TATDN2: variants seen among roughly 807,000 people sequenced by gnomAD.
TATDN2 encodes the protein 3'-5' RNA nuclease TATDN2.
A neutral mutation model predicts 60.3 loss-of-function variants in TATDN2; 44 were observed. The ratio of observed to expected loss-of-function variants is 0.73; its 90% CI spans 0.57 to 0.94. The LOEUF (loss-of-function observed/expected upper bound fraction) is 0.94. Ranked by LOEUF, TATDN2 falls within the 40% of genes least tolerant of loss-of-function variation. The pLI is 0.00. For synonymous variants in TATDN2, 399 were observed against 355.8 expected, an observed-to-expected ratio of 1.12 and a Z score of -1.37; for missense variants, 997 against 948.0, an observed-to-expected ratio of 1.05 and a Z score of -0.68.
rs376603083 is a variant in TATDN2, at chr3:10,270,054, G to A, written c.949-77G>A. 10 of 1,530,290 alleles carry A rather than the reference G, an allele frequency of 6.5e-6. No individual in the cohort carries two copies. The African/African-American group carries it at 8.3e-5, about 13-fold the overall frequency. 94.8% of individuals were successfully genotyped at this position (1,530,290 alleles called of 1,614,324 possible). A position where few individuals can be genotyped will look rare whatever the true frequency, so the allele number is the denominator to read the frequency against. ...GCCAGAAGAACAAGCCAGGGTTTAT[G>A]TTCAGCTGATGACAGCCTGGGAGGC... On this transcript the variant is annotated intron_variant, in intron 3 of 7. Coordinates refer to ENST00000448281, the MANE Select transcript of TATDN2 (RefSeq NM_014760.4).
intron 2 of TATDN2, among the ~76,000 whole-genome samples, chr3:10,254,983 CCCTTCCCCCTTCCT>C (rs1698284305): frequency 7.1e-6 from 1 of 141,792 alleles, no homozygotes. Flanking sequence ...CTTTTTTTCC[CCCTTCCCCCTTCCT>C]CCTTCCCACT....
rs3072531 is a variant in TATDN2, at chr3:10,257,294, T to TTATATATATATATATATATATA, written c.415-2824_415-2823insATATATATATATATATATATAT. On this transcript the variant is annotated intron_variant, in intron 2 of 7. Transcript: ENST00000448281. Reference sequence around the variant, plus strand: ...AGTGAGATTTTGCCTCAAAAAAAAATTATATATATATATATATATGAATTC... The same window carrying TTATATATATATATATATATATA: ...AGTGAGATTTTGCCTCAAAAAAAAATTATATATATATATATATATATATATATATATATATATATATGAATTC... 9.1e-3 allele frequency among the ~76,000 whole-genome samples: 1,210 copies of TTATATATATATATATATATATA among 133,052 alleles called. 13 individuals are homozygous for TTATATATATATATATATATATA. Among genetic ancestry groups the TTATATATATATATATATATATA allele is most frequent in the South Asian group, 0.019 (74 of 3,936 alleles). The allele number at this position is 133,052 out of a possible 152,430, so 87.3% of individuals were successfully genotyped here.
chr3:10,269,545 C>T (rs1318330180), intron 3 of TATDN2, among the ~76,000 whole-genome samples: 3 of 152,022 alleles, frequency 2.0e-5, no homozygotes, highest in African/African-American at 4.8e-5. Context: ...CCCCTACCTA[C>T]AAGAAATTAG....
At chr3:10,275,469 C>G (rs977659367) in intron 4 of TATDN2, among the ~76,000 whole-genome samples, 1 of 152,138 alleles carries the variant, frequency 6.6e-6, no homozygotes, top group East Asian at 1.9e-4. Flanking sequence ...GCAAATTGGC[C>G]GGGCATGGCG....
chr3:10,268,527 G>C (rs1005936193), intron 3 of TATDN2, among the ~76,000 whole-genome samples: 9 of 152,178 alleles, frequency 5.9e-5, no homozygotes, highest in Non-Finnish European at 1.2e-4. Context: ...CTTAAATTTT[G>C]TTTCCAGCAT....
Position 10,249,185 on chromosome 3 carries a change from T to C in TATDN2, c.-6-10T>C, listed in dbSNP as rs1186248526. On this transcript the variant is annotated splice_polypyrimidine_tract_variant and intron_variant, in intron 1 of 7. Transcript: ENST00000448281. ...GTGGTGTTGGAATCCAGGCCCCCTGTACCTTGCAGGTGCCCATGGCGTCCG... is the reference window on the plus strand; with the variant it reads ...GTGGTGTTGGAATCCAGGCCCCCTGCACCTTGCAGGTGCCCATGGCGTCCG... 1 of 1,509,392 alleles carries C rather than the reference T, an allele frequency of 6.6e-7. No individual in the cohort carries two copies. Among genetic ancestry groups the C allele is most frequent in the Non-Finnish European group, 8.9e-7 (1 of 1,128,602 alleles). 93.5% of individuals were successfully genotyped at this position (1,509,392 alleles called of 1,614,324 possible).
Position 10,248,868 on chromosome 3 carries a change from C to T in TATDN2, c.-206C>T, listed in dbSNP as rs1299417512. 1 of 309,420 alleles carries T rather than the reference C, an allele frequency of 3.2e-6. No individual in the cohort carries two copies. Among genetic ancestry groups the T allele is most frequent in the South Asian group, 1.4e-4 (1 of 7,126 alleles). 19.2% of individuals were successfully genotyped at this position (309,420 alleles called of 1,614,324 possible). On this transcript the variant is annotated 5_prime_UTR_variant, in exon 1 of 8. Coordinates refer to ENST00000448281, the MANE Select transcript of TATDN2 (RefSeq NM_014760.4). ...TTTATATTGCAAACTGATCAAAGCG[C>T]TTCGTAGCCCCGGAAGCGCTTAGGC... is the stretch of plus-strand genomic sequence containing the variant.
Position 10,278,372 on chromosome 3 carries a change from C to G in TATDN2, c.2055C>G (p.Ser685=). ...SVGFTAVLTY[S]SAWEAREALR... The stretch of plus-strand genomic sequence containing the variant: ...GCTTCACGGCAGTGCTGACATACTC[C>G]TCTGCCTGGGAGGCCCGGGAAGCCT... Residue 685 remains serine, a synonymous_variant, in exon 6 of 8, where the codon TCC becomes TCG. Transcript: ENST00000448281. This position sits in a 1 kb window ranked among gnomAD's most constrained non-coding sequence, Gnocchi z 4.7. 6.2e-7 allele frequency: 1 copy of G among 1,614,222 alleles called. No homozygotes were observed. Among genetic ancestry groups the G allele is most frequent in the Non-Finnish European group, 8.5e-7 (1 of 1,180,038 alleles).
chr3:10,279,139 T>C, intron 7 of TATDN2, 76 bp downstream of exon 7: 1 of 1,360,086 alleles, frequency 7.4e-7, no homozygotes. Flanking sequence ...GTAAAGAATA[T>C]AAACATAGTA....
At chr3:10,276,546 A>G in intron 5 of TATDN2, 58 bp downstream of exon 5, 1 of 1,603,204 alleles carries the variant, frequency 6.2e-7, no homozygotes, top group Non-Finnish European at 8.5e-7. Context: ...TGTCAAGTTG[A>G]TGAGGACAGC....
intron 3 of TATDN2, among the ~76,000 whole-genome samples, chr3:10,266,512 G>A (rs1698476456): frequency 6.6e-6 from 1 of 152,202 alleles, no homozygotes. Context: ...TCTTGAGAAA[G>A]TCAGCCTCTT....
At chr3:10,249,717 C>CT in intron 2 of TATDN2, 103 bp downstream of exon 2, 1 of 1,308,962 alleles carries the variant, frequency 7.6e-7, no homozygotes, top group Non-Finnish European at 9.9e-7. Context: ...ACATTACATC[C>CT]TTGAAGGTCT....
At chr3:10,249,786 C>A (rs554247119) in intron 2 of TATDN2, among the ~76,000 whole-genome samples, 172 bp downstream of exon 2, 1 of 152,156 alleles carries the variant, frequency 6.6e-6, no homozygotes, top group African/African-American at 2.4e-5. Flanking sequence ...GTCTTCCAGG[C>A]GCGTGGCCTG....
chr3:10,253,816 G>T (rs763441092), intron 2 of TATDN2, among the ~76,000 whole-genome samples: 1 of 152,216 alleles, frequency 6.6e-6, no homozygotes, highest in Non-Finnish European at 1.5e-5. Context: ...GCACTGGGCA[G>T]ATGAGATTCA....
At chr3:10,276,281 T>C in intron 4 of TATDN2, 80 bp from the exon 5 acceptor site, 1 of 1,547,460 alleles carries the variant, frequency 6.5e-7, no homozygotes, top group South Asian at 1.2e-5. Flanking sequence ...AGGGGGTGCC[T>C]GCTGGACTGG....
In TATDN2 at chr3:10,249,002, T is replaced by C; in HGVS notation, c.-72T>C. On this transcript the variant is annotated 5_prime_UTR_variant, in exon 1 of 8. Coordinates refer to ENST00000448281, the MANE Select transcript of TATDN2 (RefSeq NM_014760.4). ...GTCAATTTTGGATCGCTTTGACTTC[T>C]CCAACACGGTTTGGCATCTCTGAAA... 1 of 556,776 alleles carries C rather than the reference T, an allele frequency of 1.8e-6. No individual in the cohort carries two copies. Among genetic ancestry groups the C allele is most frequent in the South Asian group, 6.6e-5 (1 of 15,210 alleles). The allele number at this position is 556,776 out of a possible 1,614,324, so 34.5% of individuals were successfully genotyped here.
At chr3:10,275,078 C>T (rs2287544) in intron 4 of TATDN2, among the ~76,000 whole-genome samples, 30,153 of 151,090 alleles carry the variant, frequency 0.2, 4,199 homozygotes, top group East Asian at 0.67. Context: ...CTTTGCCTCC[C>T]AGGTTCAGGG....
At chr3:10,257,961 C>T (rs375689043) in intron 2 of TATDN2, among the ~76,000 whole-genome samples, 2 of 141,552 alleles carry the variant, frequency 1.4e-5, no homozygotes, top group Non-Finnish European at 3.0e-5. Context: ...CCCGGGTTCA[C>T]GCCATTCTCC....
rs1323765496 is a variant in TATDN2, at chr3:10,278,584, G to A, written c.2145+122G>A. 4.5e-6 allele frequency: 6 copies of A among 1,332,720 alleles called. No individual in the cohort carries two copies. Among genetic ancestry groups the A allele is most frequent in the Non-Finnish European group, 6.4e-6 (6 of 934,436 alleles). The allele number at this position is 1,332,720 out of a possible 1,614,324, so 82.6% of individuals were successfully genotyped here. A position where few individuals can be genotyped will look rare whatever the true frequency, so the allele number is the denominator to read the frequency against. The stretch of plus-strand genomic sequence containing the variant: ...ACTTCCAGGTCCCATCCTGGGCTGT[G>A]TAGATGCCTCCTTGCTGTTACTCTG... On this transcript the variant is annotated intron_variant, in intron 6 of 7. Transcript: ENST00000448281. This position sits in a 1 kb window ranked among gnomAD's most constrained non-coding sequence, Gnocchi z 4.7.
Sources: gnomAD v4.1 joint callset for allele counts (sites outside exome capture counted in the v4.1 genomes callset) on GRCh38, gnomAD v4.1.1 for gene constraint, Gnocchi (gnomAD v3.1) non-coding constraint, MANE v1.5 for transcripts, NCBI Gene and HGNC (gene_info 2026-07-23, HGNC 2026-07-21) for gene names.